Variants in SPAG16 observed in about 807,000 individuals in gnomAD.
The protein encoded by SPAG16 is sperm-associated antigen 16 protein.
Under a neutral mutation model 80.4 loss-of-function variants are expected in SPAG16, and 86 were observed. The observed-to-expected ratio is 1.07, with a 90% CI of 0.90 to 1.28. The LOEUF (loss-of-function observed/expected upper bound fraction) is 1.28. Among genes scored for constraint, SPAG16 ranks in the 50% most tolerant of loss-of-function variants. The pLI is 0.00. For synonymous variants in SPAG16, 294 were observed against 265.9 expected, an observed-to-expected ratio of 1.11 and a Z score of -1.03; for missense variants, 870 against 765.3, an observed-to-expected ratio of 1.14 and a Z score of -1.61.
intron 10 of SPAG16, among the ~76,000 whole-genome samples, chr2:213,641,414 G>C (rs1184105274): frequency 1.3e-5 from 2 of 152,220 alleles, no homozygotes; most frequent in Non-Finnish European, 2.9e-5. Context: ...CACAGCTTCT[G>C]TGCTTATGTC....
At chr2:214,289,959 CT>C (rs1693670076) in intron 15 of SPAG16, among the ~76,000 whole-genome samples, 1 of 152,072 alleles carries the variant, frequency 6.6e-6, no homozygotes, top group African/African-American at 2.4e-5. Flanking sequence ...GAGTTCTCAC[CT>C]CTTCAATTTT....
intron 11 of SPAG16, among the ~76,000 whole-genome samples, chr2:213,904,112 A>C (rs1319883904): frequency 2.0e-5 from 3 of 152,112 alleles, no homozygotes; most frequent in Non-Finnish European, 4.4e-5. Flanking sequence ...TCCTGTCTTC[A>C]TCTTAGCCCT....
rs573850206 is a variant in SPAG16 at position 214,335,549 on chromosome 2, G to C, written c.1721-74591G>C. ...AACTGTACATGATTATTTTAGTGAC[G>C]ATGCTGATGTGCTGACGATGCTGAT... On this transcript the variant is annotated intron_variant, in intron 15 of 15. Coordinates refer to ENST00000331683, the MANE Select transcript of SPAG16 (RefSeq NM_024532.5). 3.3e-5 allele frequency among the ~76,000 whole-genome samples: 5 copies of C among 151,320 alleles called. No individual in the cohort carries two copies. In the South Asian group the frequency reaches 1.0e-3, roughly 32 times the overall value.
intron 15 of SPAG16, among the ~76,000 whole-genome samples, chr2:214,155,441 C>G (rs532578515): frequency 2.4e-4 from 36 of 152,218 alleles, no homozygotes; most frequent in African/African-American, 7.9e-4. Context: ...AGGCTGTTTT[C>G]AAACTACAAC....
intron 10 of SPAG16, among the ~76,000 whole-genome samples, chr2:213,585,582 T>G (rs888370989): frequency 2.6e-5 from 4 of 152,118 alleles, no homozygotes; most frequent in African/African-American, 9.7e-5. Context: ...GCAGAAAGAT[T>G]TTTTAGAAGT....
chr2:214,112,041 T>G (rs113633581), intron 14 of SPAG16, among the ~76,000 whole-genome samples: 72 of 152,272 alleles, frequency 4.7e-4, no homozygotes, highest in African/African-American at 1.7e-3. Context: ...CGATGGGGTT[T>G]TCTAAATATA....
At chr2:214,051,883 C>A (rs58902400) in intron 13 of SPAG16, among the ~76,000 whole-genome samples, 2,827 of 152,286 alleles carry the variant, frequency 0.019, 91 homozygotes, top group African/African-American at 0.065. Flanking sequence ...TATCCTACAT[C>A]ATTAGACGTA....
At chr2:213,394,847 T>C (rs1300369064) in intron 9 of SPAG16, among the ~76,000 whole-genome samples, 5 of 152,180 alleles carry the variant, frequency 3.3e-5, no homozygotes, top group South Asian at 2.1e-4. Context: ...TGAAACCATA[T>C]GGACTTGGGA....
intron 15 of SPAG16, among the ~76,000 whole-genome samples, chr2:214,284,352 C>T (rs1307891834): frequency 6.6e-6 from 1 of 152,128 alleles, no homozygotes; most frequent in Non-Finnish European, 1.5e-5. Flanking sequence ...TTTGTTTCTT[C>T]CTTAACTTTC....
chr2:214,041,555 A>G (rs1232724540), intron 13 of SPAG16, among the ~76,000 whole-genome samples: 1 of 151,810 alleles, frequency 6.6e-6, no homozygotes, highest in Admixed American at 6.6e-5. Context: ...AAGATTTTAT[A>G]AGGGACTAAG....
At chr2:214,244,741 G>T (rs1689725319) in intron 15 of SPAG16, among the ~76,000 whole-genome samples, 1 of 151,952 alleles carries the variant, frequency 6.6e-6, no homozygotes, top group Non-Finnish European at 1.5e-5. Context: ...AAATAACACT[G>T]GAATTCTATA....
chr2:213,989,244 T>C (rs1385338597), intron 12 of SPAG16, among the ~76,000 whole-genome samples: 1 of 152,142 alleles, frequency 6.6e-6, no homozygotes, highest in African/African-American at 2.4e-5. Context: ...AAGAACACAG[T>C]ATCCATCTTT....
At chr2:213,297,230 T>C in intron 2 of SPAG16, 32 bp from the exon 3 acceptor site, 1 of 1,548,658 alleles carries the variant, frequency 6.5e-7, no homozygotes. Context: ...TTCTGCTCAC[T>C]CTTCCTATCC....
intron 15 of SPAG16, among the ~76,000 whole-genome samples, chr2:214,345,989 G>T (rs1051409140): frequency 1.3e-5 from 2 of 152,016 alleles, no homozygotes; most frequent in Admixed American, 1.3e-4. Flanking sequence ...TTTCATATTA[G>T]CTTATTACAA....
In SPAG16 at chr2:213,527,687, CA is replaced by C. The variant is rs397868324; in HGVS notation, c.1070+37599del. Among the ~76,000 whole-genome samples, 48 of 152,056 alleles carry C rather than the reference CA, an allele frequency of 3.2e-4. 1 individual carries two copies. The highest frequency in any genetic ancestry group is 6.3e-3 in the Middle Eastern group (2 of 316). On this transcript the variant is annotated intron_variant, in intron 10 of 15. Transcript: ENST00000331683. ...AAAAACAAAAATTACACTAAAAACT[CA>C]ACACACAGAAAATAAGACAACAATT... is the stretch of plus-strand genomic sequence containing the variant.
intron 15 of SPAG16, among the ~76,000 whole-genome samples, chr2:214,366,128 A>G (rs546814505): frequency 1.3e-5 from 2 of 152,086 alleles, no homozygotes; most frequent in East Asian, 3.9e-4. Context: ...ACAGGTATGC[A>G]TCACCACTCC....
chr2:214,248,292 A>C (rs1689999858), intron 15 of SPAG16, among the ~76,000 whole-genome samples: 1 of 51,958 alleles, frequency 1.9e-5, no homozygotes, highest in Non-Finnish European at 3.9e-5. Flanking sequence ...TTCTTATATT[A>C]TTATTATTAT....
intron 15 of SPAG16, among the ~76,000 whole-genome samples, chr2:214,196,845 T>C (rs2057854549): frequency 6.6e-6 from 1 of 152,030 alleles, no homozygotes. Flanking sequence ...TAGCACAATA[T>C]AATCCATCAA....
At chr2:213,439,242 T>C (rs1158876095) in intron 9 of SPAG16, among the ~76,000 whole-genome samples, 5 of 152,230 alleles carry the variant, frequency 3.3e-5, no homozygotes, top group Admixed American at 1.3e-4. Context: ...ACATAGACTG[T>C]TGTACCTGAA....
Sources: gnomAD v4.1 joint callset for allele counts (sites outside exome capture counted in the v4.1 genomes callset) on GRCh38, gnomAD v4.1.1 for gene constraint, MANE v1.5 for transcripts, NCBI Gene and HGNC (gene_info 2026-07-23, HGNC 2026-07-21) for gene names.